NSD1: variants seen among roughly 807,000 people sequenced by gnomAD.
NSD1 encodes the protein nuclear receptor binding SET domain protein 1.
NSD1 carries 26 observed loss-of-function variants against 242.7 expected under a neutral mutation model. That is an observed-to-expected ratio of 0.11 (90% confidence interval 0.08 to 0.15). NSD1 has a LOEUF of 0.15. Ranked by LOEUF, NSD1 falls within the 10% of genes least tolerant of loss-of-function variation. NSD1 has a pLI of 1.00. For synonymous variants in NSD1, 1,106 were observed against 1,178.1 expected, an observed-to-expected ratio of 0.94 and a Z score of 1.25; for missense variants, 2,495 against 3,272.8, an observed-to-expected ratio of 0.76 and a Z score of 5.80.
chr5:177,132,423 G>T (rs1033166834), upstream of NSD1, among the ~76,000 whole-genome samples: 122 of 151,690 alleles, frequency 8.0e-4, no homozygotes, highest in Non-Finnish European at 1.6e-3. This position sits in a 1 kb window ranked among gnomAD's most constrained non-coding sequence, Gnocchi z 7.5. Flanking sequence ...CGCTGCCCGA[G>T]CCCCCGTGCC....
chr5:177,141,821 T>C (rs1351278771), intron 2 of NSD1, among the ~76,000 whole-genome samples: 2 of 152,140 alleles, frequency 1.3e-5, no homozygotes, highest in Non-Finnish European at 2.9e-5. Flanking sequence ...TCACCTAAAA[T>C]GTAATATTAT....
At chr5:177,289,516 T>C (rs977462162) in intron 21 of NSD1, among the ~76,000 whole-genome samples, 4 of 152,180 alleles carry the variant, frequency 2.6e-5, no homozygotes, top group Admixed American at 2.0e-4. Flanking sequence ...AGAAGGTTAG[T>C]TACCTCCCTC....
chr5:177,273,870 C>T, intron 17 of NSD1, 86 bp downstream of exon 17: 13 of 915,766 alleles, frequency 1.4e-5, no homozygotes, highest in Non-Finnish European at 2.1e-5. Context: ...AGAACGGAAG[C>T]ACAAGCATAG....
rs770276669 is a variant in NSD1, at chr5:177,210,473, A to G, written c.2074A>G (p.Thr692Ala). The stretch of plus-strand genomic sequence containing the variant: ...GATAAAGTATTCTAGGTTTGCTGCC[A>G]CAAACACTAGGGTAAAAGCAAAACA... ...EKIKYSRFAA[T>A]NTRVKAKQKP... Residue 692 changes from threonine (T) to alanine (A), a missense_variant, in exon 5 of 23, where the codon ACA (threonine) becomes GCA (alanine). Thr to Ala is a moderately conservative substitution (Grantham distance 58). This residue lies in a region of NSD1 where 515 missense variants were observed against 467.0 expected (regional missense o/e 1.10). Coordinates refer to ENST00000439151, the MANE Select transcript of NSD1 (RefSeq NM_022455.5). 1.2e-6 allele frequency: 2 copies of G among 1,614,080 alleles called. No individual in the cohort carries two copies. Among genetic ancestry groups the G allele is most frequent in the Non-Finnish European group, 1.7e-6 (2 of 1,180,028 alleles).
At chr5:177,266,147 T>A in intron 14 of NSD1, 1 of 1,100,028 alleles carries the variant, frequency 9.1e-7, no homozygotes, top group Non-Finnish European at 1.4e-6. Flanking sequence ...CAGCCACTTG[T>A]CCGGGCATAG....
chr5:177,194,579 CTTTT>C (rs1200627969), intron 3 of NSD1, among the ~76,000 whole-genome samples: 1 of 88,570 alleles, frequency 1.1e-5, no homozygotes, highest in Admixed American at 1.2e-4. Context: ...CACCATGCCT[CTTTT>C]TTTTTTTTTT....
intron 2 of NSD1, among the ~76,000 whole-genome samples, chr5:177,172,077 T>A (rs758713930): frequency 6.6e-6 from 1 of 152,220 alleles, no homozygotes; most frequent in Non-Finnish European, 1.5e-5. Flanking sequence ...TTCCCTAGTT[T>A]ATATAATTGC....
In NSD1 at chr5:177,295,282, C is replaced by A. The variant is rs781650846; in HGVS notation, c.7914C>A (p.Pro2638=). The change falls in exon 23 of 23, where the codon CCC becomes CCA. Residue 2638 remains proline, a synonymous_variant. Coordinates refer to ENST00000439151, the MANE Select transcript of NSD1 (RefSeq NM_022455.5). This position sits in a 1 kb window ranked among gnomAD's most constrained non-coding sequence, Gnocchi z 4.3. The part of the protein sequence containing the change: ...GKASSRAGLW[P]IVAGQTLAQS... The stretch of plus-strand genomic sequence containing the variant: ...CCTCATCACGGGCAGGGCTCTGGCC[C>A]ATAGTGGCTGGACAGACACTGGCAC... 6 of 1,614,118 alleles carry A rather than the reference C, an allele frequency of 3.7e-6. No homozygotes were observed. In the East Asian group the frequency reaches 1.3e-4, roughly 36 times the overall value.
intron 3 of NSD1, among the ~76,000 whole-genome samples, chr5:177,202,247 AGT>A (rs1196051186): frequency 6.7e-6 from 1 of 149,590 alleles, no homozygotes; most frequent in Non-Finnish European, 1.5e-5. Context: ...TTAAGAAATA[AGT>A]GTTTATTTTT....
intron 2 of NSD1, among the ~76,000 whole-genome samples, chr5:177,166,420 C>T (rs1759202994): frequency 1.3e-5 from 2 of 151,906 alleles, no homozygotes; most frequent in Admixed American, 6.6e-5. Flanking sequence ...TGGTGGCATG[C>T]ACCTGTAGTC....
chr5:177,250,699 C>A (rs1432650552), intron 11 of NSD1, among the ~76,000 whole-genome samples: 2 of 152,026 alleles, frequency 1.3e-5, no homozygotes, highest in Non-Finnish European at 2.9e-5. Flanking sequence ...ATATCTCAGA[C>A]TATAGGTTGA....
In NSD1 at chr5:177,198,619, A is replaced by AAACACCAAC. The variant is rs1344434445; in HGVS notation, c.1064-5499_1064-5491dup. Reference sequence around the variant, plus strand: ...TACTTACTCCAAAGGCCTCACCTGTAAACACCAACATATGGGGGGGTCAAG... The same window carrying AAACACCAAC: ...TACTTACTCCAAAGGCCTCACCTGTAAACACCAACAACACCAACATATGGGGGGGTCAAG... On this transcript the variant is annotated intron_variant, in intron 3 of 22. Transcript: ENST00000439151. Among the ~76,000 whole-genome samples the AAACACCAAC allele has an allele frequency of 3.9e-5, 6 of 152,008 alleles. 1 individual carries two copies. Among genetic ancestry groups the AAACACCAAC allele is most frequent in the African/African-American group, 1.4e-4 (6 of 41,444 alleles).
intron 20 of NSD1, among the ~76,000 whole-genome samples, chr5:177,287,052 T>C (rs968291851): frequency 6.6e-6 from 1 of 152,240 alleles, no homozygotes; most frequent in Non-Finnish European, 1.5e-5. Context: ...ATCCCTACTC[T>C]TGTTTATCTC....
At chr5:177,266,887 G>A (rs6889220) in intron 14 of NSD1, among the ~76,000 whole-genome samples, 130,284 of 152,190 alleles carry the variant, frequency 0.86, 56,251 homozygotes, top group Middle Eastern at 0.91. Flanking sequence ...TTTATTTGAG[G>A]CAAGAGCCTT....
intron 9 of NSD1, among the ~76,000 whole-genome samples, 181 bp downstream of exon 9, chr5:177,244,451 A>G (rs1766121913): frequency 6.6e-6 from 1 of 152,198 alleles, no homozygotes; most frequent in Non-Finnish European, 1.5e-5. Flanking sequence ...TATCTACTCT[A>G]CCAGGACTTT....
intron 11 of NSD1, among the ~76,000 whole-genome samples, chr5:177,251,528 C>G (rs574897788): frequency 6.6e-6 from 1 of 152,268 alleles, no homozygotes; most frequent in African/African-American, 2.4e-5. Flanking sequence ...AAATGAATAC[C>G]TGATTTTAGC....
At chr5:177,278,214 C>T (rs1053526054) in intron 17 of NSD1, among the ~76,000 whole-genome samples, 5 of 152,186 alleles carry the variant, frequency 3.3e-5, no homozygotes, top group Non-Finnish European at 4.4e-5. Context: ...TCTATACGAT[C>T]CTCCCACTGC....
At chr5:177,267,801 A>G (rs1442164879) in intron 15 of NSD1, 83 bp downstream of exon 15, 23 of 1,366,948 alleles carry the variant, frequency 1.7e-5, no homozygotes, top group Non-Finnish European at 2.1e-5. Context: ...ACGTATTTCT[A>G]ATGATCTACT....
In NSD1 at chr5:177,210,039, C is replaced by T; in HGVS notation, c.1640C>T (p.Ala547Val). Residue 547 changes from alanine (A) to valine (V), a missense_variant, in exon 5 of 23, where the codon GCC becomes GTC. Physicochemically the swap from Ala to Val is moderately conservative, Grantham distance 64. Coordinates refer to ENST00000439151, the MANE Select transcript of NSD1 (RefSeq NM_022455.5). ...FISGDISDTQASNELSRIANS... is the reference protein window; with the variant it reads ...FISGDISDTQVSNELSRIANS... The stretch of plus-strand genomic sequence containing the variant: ...TCTGGGGATATATCTGATACGCAGG[C>T]CTCTAATGAACTTTCCAGGATAGCA... The T allele has an allele frequency of 6.2e-7, 1 of 1,614,086 alleles. No individual in the cohort carries two copies. The highest frequency in any genetic ancestry group is 8.5e-7 in the Non-Finnish European group (1 of 1,179,992).
Sources: allele counts gnomAD v4.1 joint callset (sites outside exome capture counted in the v4.1 genomes callset), GRCh38; gene constraint gnomAD v4.1.1; regional missense constraint gnomAD v4.1.1; non-coding constraint Gnocchi (gnomAD v3.1); transcripts MANE v1.5; gene names NCBI Gene and HGNC (gene_info 2026-07-23, HGNC 2026-07-21).